FRMD5: variants seen among roughly 807,000 people sequenced by gnomAD.
FRMD5 encodes FERM domain-containing protein 5.
FRMD5 carries 20 observed loss-of-function variants against 69.0 expected under a neutral mutation model. The observed-to-expected ratio is 0.29, with a 90% CI of 0.20 to 0.42. FRMD5 has a LOEUF of 0.42. Among genes scored for constraint, FRMD5 ranks in the 10% least tolerant of loss-of-function variants. The pLI is 1.00. For synonymous variants in FRMD5, 271 were observed against 260.1 expected (o/e 1.04, Z -0.40); for missense variants, 595 against 708.6 (o/e 0.84, Z 1.82).
At chr15:43,904,976 G>T (rs1486775260) in intron 6 of FRMD5, among the ~76,000 whole-genome samples, 1 of 151,982 alleles carries the variant, frequency 6.6e-6, no homozygotes, top group Non-Finnish European at 1.5e-5. Flanking sequence ...GAGTCAGGCG[G>T]GGCTGAGGAC....
intron 1 of FRMD5, among the ~76,000 whole-genome samples, chr15:44,002,909 C>T (rs1029375629): frequency 6.6e-6 from 1 of 152,034 alleles, no homozygotes; most frequent in African/African-American, 2.4e-5. Flanking sequence ...TTGTAACTCC[C>T]TTTTCTAACA....
At chr15:43,964,327 A>G (rs919688863) in intron 1 of FRMD5, among the ~76,000 whole-genome samples, 2 of 151,746 alleles carry the variant, frequency 1.3e-5, no homozygotes, top group Non-Finnish European at 2.9e-5. Flanking sequence ...ATTTTCCTGA[A>G]CTTTTTTTCT....
chr15:44,116,494 A>AG (rs1566954134), intron 1 of FRMD5, among the ~76,000 whole-genome samples: 1 of 152,206 alleles, frequency 6.6e-6, no homozygotes, highest in Non-Finnish European at 1.5e-5. Context: ...AGCCAGAGAA[A>AG]GGGTACATTT....
intron 1 of FRMD5, among the ~76,000 whole-genome samples, chr15:44,191,501 G>A (rs1212269630): frequency 1.3e-5 from 2 of 151,938 alleles, no homozygotes; most frequent in African/African-American, 4.8e-5. Flanking sequence ...CAGGAGAATC[G>A]CTTGAACCCA....
chr15:43,964,535 G>A (rs1177808454), intron 1 of FRMD5, among the ~76,000 whole-genome samples: 1 of 151,124 alleles, frequency 6.6e-6, no homozygotes, highest in Non-Finnish European at 1.5e-5. Flanking sequence ...AAAGAAAAAT[G>A]AGTGCTCATA....
chr15:43,979,350 A>G (rs1233036814), intron 1 of FRMD5, among the ~76,000 whole-genome samples: 2 of 151,120 alleles, frequency 1.3e-5, no homozygotes, highest in Non-Finnish European at 3.0e-5. Flanking sequence ...AAAAAAAAAA[A>G]GGGTTCAATT....
chr15:43,918,147 C>T (rs529938318), intron 4 of FRMD5, among the ~76,000 whole-genome samples: 9 of 152,268 alleles, frequency 5.9e-5, no homozygotes, highest in African/African-American at 2.2e-4. Flanking sequence ...TAATTCTGGC[C>T]GGGCACGGTG....
At chr15:43,886,151 C>T (rs1301903052) in intron 10 of FRMD5, among the ~76,000 whole-genome samples, 1 of 152,164 alleles carries the variant, frequency 6.6e-6, no homozygotes, top group East Asian at 1.9e-4. Flanking sequence ...CTCTTAGCCT[C>T]ACCCTTTTTA....
intron 10 of FRMD5, 107 bp downstream of exon 10, chr15:43,888,068 A>G: frequency 1.3e-6 from 1 of 791,686 alleles, no homozygotes; most frequent in South Asian, 1.7e-5. Flanking sequence ...GCTCTTGCCC[A>G]CTTCCAGCTA....
intron 7 of FRMD5, chr15:43,901,897 C>T (rs2089054397): frequency 2.4e-6 from 1 of 411,846 alleles, no homozygotes; most frequent in South Asian, 3.0e-5. Flanking sequence ...TCCCTCCTCT[C>T]TTCATTTCTA....
chr15:44,010,629 G>A (rs1190760606), intron 1 of FRMD5, among the ~76,000 whole-genome samples: 2 of 151,990 alleles, frequency 1.3e-5, no homozygotes, highest in African/African-American at 4.8e-5. Flanking sequence ...AAGTGATCCA[G>A]CTGCCTTGGC....
chr15:44,046,358 G>GA (rs1192975501), intron 1 of FRMD5, among the ~76,000 whole-genome samples: 1 of 152,156 alleles, frequency 6.6e-6, no homozygotes, highest in Non-Finnish European at 1.5e-5. Flanking sequence ...CACACATAGT[G>GA]AAAAAATAAT....
intron 6 of FRMD5, 143 bp from the exon 7 acceptor site, chr15:43,902,405 A>G (rs1034868630): frequency 1.5e-6 from 1 of 664,428 alleles, no homozygotes; most frequent in Non-Finnish European, 2.7e-6. Flanking sequence ...TCTAGGACCA[A>G]CTTCGAGACT....
upstream of FRMD5, among the ~76,000 whole-genome samples, chr15:44,197,678 C>CACAAA (rs2078321348): frequency 1.2e-5 from 1 of 84,658 alleles, no homozygotes; most frequent in Non-Finnish European, 2.3e-5. Flanking sequence ...GACTCCATCT[C>CACAAA]AAAAAAAAAA....
intron 1 of FRMD5, among the ~76,000 whole-genome samples, chr15:44,131,389 A>T (rs967342811): frequency 3.0e-5 from 1 of 33,846 alleles, no homozygotes; most frequent in East Asian, 1.3e-3. Context: ...CAATACGGCA[A>T]TTCCTAAAAA....
chr15:44,143,486 T>G (rs2077303984), intron 1 of FRMD5, among the ~76,000 whole-genome samples: 1 of 151,974 alleles, frequency 6.6e-6, no homozygotes, highest in Admixed American at 6.6e-5. Flanking sequence ...AACTATGATA[T>G]GGAATAAATA....
At chr15:43,896,310 T>TC (rs1491360771) in intron 7 of FRMD5, among the ~76,000 whole-genome samples, 1 of 152,276 alleles carries the variant, frequency 6.6e-6, no homozygotes. Flanking sequence ...TTCTTTCCTC[T>TC]GTGACTTCAC....
intron 1 of FRMD5, among the ~76,000 whole-genome samples, chr15:44,076,864 C>G (rs1474815324): frequency 6.6e-6 from 1 of 151,870 alleles, no homozygotes; most frequent in African/African-American, 2.4e-5. Context: ...TTATAGTCAT[C>G]TCTCAGTCTG....
chr15:44,161,741 C>G (rs928951960), intron 1 of FRMD5, among the ~76,000 whole-genome samples: 7 of 152,072 alleles, frequency 4.6e-5, no homozygotes, highest in African/African-American at 1.7e-4. Flanking sequence ...TACATCTTTC[C>G]AAATGTTCCA....
Sources: gnomAD v4.1 joint callset for allele counts (sites outside exome capture counted in the v4.1 genomes callset) on GRCh38, gnomAD v4.1.1 for gene constraint, MANE v1.5 for transcripts, NCBI Gene and HGNC (gene_info 2026-07-23, HGNC 2026-07-21) for gene names.